The following CHD5 variants were observed in gnomAD, a reference collection of about 807,000 sequenced individuals.
CHD5 encodes the protein ATP-dependent chromatin remodeler CHD5.
Under a neutral mutation model 230.3 loss-of-function variants are expected in CHD5, and 69 were observed. The observed-to-expected ratio is 0.30, with a 90% CI of 0.25 to 0.37. The LOEUF is 0.37. CHD5 is among the 10% of genes least tolerant of loss of function. The pLI is 1.00. For missense variants in CHD5, 1,827 were observed against 2,622.8 expected, an observed-to-expected ratio of 0.70 and a Z score of 6.63; for synonymous variants, 1,064 against 1,065.9, an observed-to-expected ratio of 1.00 and a Z score of 0.03.
At chr1:6,150,959 AGATGGG>A in intron 7 of CHD5, 67 bp downstream of exon 7, 1 of 1,411,154 alleles carries the variant, frequency 7.1e-7, no homozygotes, top group Admixed American at 2.4e-5. Context: ...AGAACCGTCC[AGATGGG>A]GAGTCCTACT....
intron 5 of CHD5, among the ~76,000 whole-genome samples, chr1:6,153,360 C>T (rs1667034980): frequency 6.6e-6 from 1 of 152,212 alleles, no homozygotes; most frequent in African/African-American, 2.4e-5. Flanking sequence ...CTCCCGAGAT[C>T]CTGATGGCCC....
chr1:6,117,904 T>C (rs959114961), intron 33 of CHD5, among the ~76,000 whole-genome samples: 1 of 152,068 alleles, frequency 6.6e-6, no homozygotes, highest in African/African-American at 2.4e-5. Context: ...TACAGAGAAT[T>C]ACCATATGAT....
chr1:6,146,145 A>T lies in CHD5; in HGVS notation c.1802+67T>A. 1 of 1,517,532 alleles carries T rather than the reference A, an allele frequency of 6.6e-7. No individual in the cohort carries two copies. The highest frequency in any genetic ancestry group is 9.0e-7 in the Non-Finnish European group (1 of 1,104,994). The allele number at this position is 1,517,532 out of a possible 1,614,324, so 94.0% of individuals were successfully genotyped here. A position where few individuals can be genotyped will look rare whatever the true frequency, so the allele number is the denominator to read the frequency against. On this transcript the variant is annotated intron_variant, in intron 11 of 41. Transcript: ENST00000262450. This position sits in a 1 kb window ranked among gnomAD's most constrained non-coding sequence, Gnocchi z 5.1. ...TGGCACCCTGCGCTGCACCCATTTT[A>T]CAGGGCAAAGAAGCTGACGTGGCCC...
Position 6,125,332 on chromosome 1 carries a change from T to C in CHD5, c.4261-99A>G. ...AGAAAAGCATGGGAGGAGGAGAAGG[T>C]AGGAAGGGGGCACAGAGAAGGCAGG... On this transcript the variant is annotated intron_variant, in intron 28 of 41. Coordinates refer to ENST00000262450, the MANE Select transcript of CHD5 (RefSeq NM_015557.3). The surrounding 1 kb of genome is among the most constrained non-coding windows in gnomAD (Gnocchi z 6.7). 4.5e-6 allele frequency: 5 copies of C among 1,121,736 alleles called. No homozygotes were observed. Among genetic ancestry groups the C allele is most frequent in the East Asian group, 2.5e-5 (1 of 39,638 alleles). 69.5% of individuals were successfully genotyped at this position (1,121,736 alleles called of 1,614,324 possible).
At position 6,113,937 on chromosome 1, in the gene CHD5, C is replaced by A. The variant is rs547962820; in HGVS notation, c.4913-939G>T. Among the ~76,000 whole-genome samples, 5 of 152,250 alleles carry A rather than the reference C, an allele frequency of 3.3e-5. No homozygotes were observed. In the South Asian group the frequency reaches 1.0e-3, roughly 32 times the overall value. On this transcript the variant is annotated intron_variant, in intron 33 of 41. Coordinates refer to ENST00000262450, the MANE Select transcript of CHD5 (RefSeq NM_015557.3). The stretch of plus-strand genomic sequence containing the variant: ...GGATGCTCCCACTCCCCAGAGGACA[C>A]GGAGCTCCTGCAGATAAAAACCACA...
chr1:6,107,909 G>A (rs1336255735), intron 38 of CHD5, among the ~76,000 whole-genome samples: 1 of 130,400 alleles, frequency 7.7e-6, no homozygotes, highest in Non-Finnish European at 1.6e-5. Context: ...GAGATGGAGG[G>A]ATAATGGAAG....
chr1:6,110,302 G>A, intron 37 of CHD5, 92 bp downstream of exon 37: 1 of 1,460,460 alleles, frequency 6.8e-7, no homozygotes, highest in South Asian at 1.2e-5. Flanking sequence ...ACGGGGAGGG[G>A]TTGCTGCTCT....
At chr1:6,168,404 T>G in intron 1 of CHD5, 127 bp from the exon 2 acceptor site, 1 of 1,139,684 alleles carries the variant, frequency 8.8e-7, no homozygotes, top group Non-Finnish European at 1.2e-6. Flanking sequence ...ACAGCTGCCC[T>G]GCCCTCCCCA....
rs200063386 is a variant in CHD5 at position 6,146,441 on chromosome 1, C to T, written c.1591-18G>A. The T allele has an allele frequency of 2.5e-6, 4 of 1,608,420 alleles. No individual in the cohort carries two copies. The highest frequency in any genetic ancestry group is 3.4e-6 in the Non-Finnish European group (4 of 1,176,378). ...AGCTCCAGCTGCTCATGGAGCGGCA[C>T]AAAGTCACAGAAGGGAGATGGGCCA... On this transcript the variant is annotated intron_variant, in intron 10 of 41. Transcript: ENST00000262450. The surrounding 1 kb of genome is among the most constrained non-coding windows in gnomAD (Gnocchi z 5.1).
intron 33 of CHD5, among the ~76,000 whole-genome samples, chr1:6,119,662 A>T (rs1326834455): frequency 3.3e-5 from 5 of 152,022 alleles, no homozygotes; most frequent in Non-Finnish European, 5.9e-5. Flanking sequence ...AACTTGAACA[A>T]TATAATTAGC....
intron 6 of CHD5, 65 bp from the exon 7 acceptor site, chr1:6,151,220 A>C: frequency 2.0e-6 from 3 of 1,527,264 alleles, no homozygotes; most frequent in Non-Finnish European, 2.7e-6. Flanking sequence ...TGGCCCAGGC[A>C]GTGTGGGGTG....
chr1:6,179,021 G>A (rs1463568683), intron 1 of CHD5, among the ~76,000 whole-genome samples: 3 of 152,240 alleles, frequency 2.0e-5, no homozygotes, highest in East Asian at 3.9e-4. Context: ...TGGCTGACAG[G>A]GTGGGGCCCT....
rs1571156379 is a variant in CHD5 at position 6,142,385 on chromosome 1, C to A, written c.2235+29G>T. On this transcript the variant is annotated intron_variant, in intron 14 of 41. Coordinates refer to ENST00000262450, the MANE Select transcript of CHD5 (RefSeq NM_015557.3). The surrounding 1 kb of genome is among the most constrained non-coding windows in gnomAD (Gnocchi z 5.2). ...CTGCCCTTGGCCAGGACCAGCCACCCCTCCTGGCCGCCTGCCCCGCCTGCC... is the reference window on the plus strand; with the variant it reads ...CTGCCCTTGGCCAGGACCAGCCACCACTCCTGGCCGCCTGCCCCGCCTGCC... The A allele has an allele frequency of 1.3e-6, 2 of 1,596,372 alleles. No individual in the cohort carries two copies. Among genetic ancestry groups the A allele is most frequent in the Non-Finnish European group, 1.7e-6 (2 of 1,167,526 alleles).
rs113813486 is a variant in CHD5, at chr1:6,149,194, G to A, written c.1161+52C>T. ...TGCCCCCAAATGAGGGCACAGGGGT[G>A]GGGGAGCCAGGCGTGGCCCCGCCCC... On this transcript the variant is annotated intron_variant, in intron 8 of 41. Coordinates refer to ENST00000262450, the MANE Select transcript of CHD5 (RefSeq NM_015557.3). 30 of 1,510,514 alleles carry A rather than the reference G, an allele frequency of 2.0e-5. No homozygotes were observed. The South Asian group carries it at 3.7e-4, about 19-fold the overall frequency. The allele number at this position is 1,510,514 out of a possible 1,614,324, so 93.6% of individuals were successfully genotyped here. A position where few individuals can be genotyped will look rare whatever the true frequency, so the allele number is the denominator to read the frequency against.
intron 7 of CHD5, among the ~76,000 whole-genome samples, chr1:6,150,279 T>C (rs1666982199): frequency 6.7e-6 from 1 of 148,816 alleles, no homozygotes; most frequent in Non-Finnish European, 1.5e-5. Context: ...GGATGATGGA[T>C]GGATGGACAA....
In CHD5 at chr1:6,146,696, T is replaced by C; in HGVS notation, c.1559A>G (p.Tyr520Cys). ...EFFVKWAGLS[Y>C]WHCSWVKELQ... ...CTCCTTCACCCAGGAGCAATGCCAG[T>C]AGGACAGCCCTGCCCACTTGACAAA... The change falls in exon 10 of 42, where the codon TAC becomes TGC. Residue 520 changes from tyrosine (Y) to cysteine (C), a missense_variant. Transcript: ENST00000262450. The surrounding 1 kb of genome is among the most constrained non-coding windows in gnomAD (Gnocchi z 5.1). The C allele has an allele frequency of 6.2e-7, 1 of 1,613,856 alleles. No homozygotes were observed. The highest frequency in any genetic ancestry group is 8.5e-7 in the Non-Finnish European group (1 of 1,179,982).
rs752324571 is a variant in CHD5, at chr1:6,144,016, C to A, written c.1934+8G>T. On this transcript the variant is annotated splice_region_variant and intron_variant, in intron 12 of 41. Coordinates refer to ENST00000262450, the MANE Select transcript of CHD5 (RefSeq NM_015557.3). ...CCTGTGCCTAGCAGCCGGATCCCTGCGACCCACCTGTGGCCCCAGTAGGCC... is the reference window on the plus strand; with the variant it reads ...CCTGTGCCTAGCAGCCGGATCCCTGAGACCCACCTGTGGCCCCAGTAGGCC... 8.7e-6 allele frequency: 14 copies of A among 1,613,990 alleles called. No homozygotes were observed. Among genetic ancestry groups the A allele is most frequent in the Non-Finnish European group, 1.2e-5 (14 of 1,180,032 alleles).
At chr1:6,119,758 CGTGCGTACATACGTACATAT>C (rs1437483345) in intron 33 of CHD5, among the ~76,000 whole-genome samples, 1 of 150,620 alleles carries the variant, frequency 6.6e-6, no homozygotes, top group African/African-American at 2.4e-5. Flanking sequence ...TACGTACATA[CGTGCGTACATACGTACATAT>C]GTGCGTATAT....
chr1:6,170,362 G>T lies in CHD5; in HGVS notation c.80-2085C>A, dbSNP rs556603333. Among the ~76,000 whole-genome samples, 16 of 152,288 alleles carry T rather than the reference G, an allele frequency of 1.1e-4. 1 individual carries two copies. The highest frequency in any genetic ancestry group is 3.4e-4 in the African/African-American group (14 of 41,560). On this transcript the variant is annotated intron_variant, in intron 1 of 41. Coordinates refer to ENST00000262450, the MANE Select transcript of CHD5 (RefSeq NM_015557.3). ...GGGGGACAGGAGGGCTCCTACCCTGGGTCTCTGGGGCTCCCATGGCCCACA... is the reference window on the plus strand; with the variant it reads ...GGGGGACAGGAGGGCTCCTACCCTGTGTCTCTGGGGCTCCCATGGCCCACA...
Sources: gnomAD v4.1 joint callset for allele counts (sites outside exome capture counted in the v4.1 genomes callset) on GRCh38, gnomAD v4.1.1 for gene constraint, Gnocchi (gnomAD v3.1) non-coding constraint, MANE v1.5 for transcripts, NCBI Gene and HGNC (gene_info 2026-07-23, HGNC 2026-07-21) for gene names.